The following CTNNA2 variants were observed in gnomAD, a reference collection of about 807,000 sequenced individuals.
CTNNA2 encodes catenin alpha-2.
A neutral mutation model predicts 101.0 loss-of-function variants in CTNNA2; 42 were observed. The ratio of observed to expected loss-of-function variants is 0.42; its 90% CI spans 0.32 to 0.54. CTNNA2 has a LOEUF of 0.54. Ranked by LOEUF, CTNNA2 falls within the 20% of genes least tolerant of loss-of-function variation. The pLI is 0.14. For synonymous variants in CTNNA2, 450 were observed against 456.4 expected, an observed-to-expected ratio of 0.99 and a Z score of 0.18; for missense variants, 871 against 1,223.1, an observed-to-expected ratio of 0.71 and a Z score of 4.29.
chr2:79,681,501 A>G (rs572944682), intron 2 of CTNNA2, among the ~76,000 whole-genome samples: 4 of 152,278 alleles, frequency 2.6e-5, no homozygotes, highest in African/African-American at 9.6e-5. Flanking sequence ...AATAGTATAC[A>G]CACTATTGGG....
chr2:79,489,917 G>A (rs1030052315), intron 4 of CTNNA2, among the ~76,000 whole-genome samples: 4 of 152,112 alleles, frequency 2.6e-5, no homozygotes, highest in Non-Finnish European at 4.4e-5. Flanking sequence ...ACTTCTCTTG[G>A]CAGGGAATAC....
At chr2:80,554,511 G>C (rs1692853040) in intron 11 of CTNNA2, among the ~76,000 whole-genome samples, 1 of 152,120 alleles carries the variant, frequency 6.6e-6, no homozygotes, top group East Asian at 1.9e-4. Context: ...GGAAGTCCAA[G>C]ACAAAGGACT....
chr2:79,756,950 T>A (rs1005240098), intron 3 of CTNNA2, among the ~76,000 whole-genome samples: 8 of 152,190 alleles, frequency 5.3e-5, no homozygotes, highest in Admixed American at 5.2e-4. Context: ...CAACAGGAGA[T>A]CTCATTCATT....
chr2:80,073,849 A>G (rs1419935170), intron 7 of CTNNA2, among the ~76,000 whole-genome samples: 2 of 152,084 alleles, frequency 1.3e-5, no homozygotes, highest in African/African-American at 4.8e-5. Flanking sequence ...CAATGTCATT[A>G]CAGATTCTTC....
intron 9 of CTNNA2, among the ~76,000 whole-genome samples, chr2:80,422,367 T>C (rs945186640): frequency 5.9e-5 from 9 of 151,962 alleles, no homozygotes; most frequent in African/African-American, 2.2e-4. Flanking sequence ...TTATTACGAC[T>C]CAAGGTGAGA....
intron 15 of CTNNA2, among the ~76,000 whole-genome samples, chr2:80,591,457 G>GTTTTTTT (rs567131551): frequency 0.011 from 752 of 70,270 alleles, 96 homozygotes; most frequent in African/African-American, 0.032. Context: ...TGCACAGCCT[G>GTTTTTTT]TTTTTTTTTT....
chr2:79,530,085 T>C (rs1672648205), intron 1 of CTNNA2, among the ~76,000 whole-genome samples: 1 of 152,114 alleles, frequency 6.6e-6, no homozygotes, highest in Non-Finnish European at 1.5e-5. Context: ...GAAGGCTTTC[T>C]GTGGTGGGAG....
At chr2:80,578,707 A>G (rs1396980372) in intron 13 of CTNNA2, among the ~76,000 whole-genome samples, 2 of 152,160 alleles carry the variant, frequency 1.3e-5, no homozygotes, top group Non-Finnish European at 2.9e-5. Context: ...GAAACCGTCA[A>G]CTTGTTGCCC....
At chr2:80,420,112 G>A (rs1375474241) in intron 9 of CTNNA2, among the ~76,000 whole-genome samples, 1 of 151,250 alleles carries the variant, frequency 6.6e-6, no homozygotes, top group African/African-American at 2.4e-5. Context: ...AGATCTTGGG[G>A]CAGTACTAGG....
intron 7 of CTNNA2, among the ~76,000 whole-genome samples, chr2:80,243,341 G>A (rs1288541422): frequency 1.3e-5 from 2 of 151,900 alleles, no homozygotes; most frequent in East Asian, 3.9e-4. Flanking sequence ...TTATTTGATG[G>A]TTTCCACGAG....
At chr2:80,599,551 A>AT (rs547578990) in intron 15 of CTNNA2, among the ~76,000 whole-genome samples, 34 of 151,870 alleles carry the variant, frequency 2.2e-4, no homozygotes, top group African/African-American at 8.0e-4. Flanking sequence ...TGGCACAACT[A>AT]TTTTTTTTCT....
At position 79,529,123 on chromosome 2, in the gene CTNNA2, G is replaced by A. The variant is rs536589637; in HGVS notation, c.-6+15916G>A. On this transcript the variant is annotated intron_variant, in intron 1 of 18. Coordinates refer to ENST00000402739, the MANE Select transcript of CTNNA2 (RefSeq NM_001282597.3). ...AATAGCATTCCAGGTTGAGGGGAAA[G>A]CATGAAGGTAGGAATGTCAGTGTAA... is the stretch of plus-strand genomic sequence containing the variant. Among the ~76,000 whole-genome samples the A allele has an allele frequency of 5.3e-5, 8 of 152,268 alleles. No individual in the cohort carries two copies. In the East Asian group the frequency reaches 1.5e-3, roughly 29 times the overall value.
intron 3 of CTNNA2, among the ~76,000 whole-genome samples, chr2:79,856,256 T>C (rs1379113170): frequency 6.6e-6 from 1 of 152,216 alleles, no homozygotes; most frequent in African/African-American, 2.4e-5. Context: ...CATTCCCGAG[T>C]ATAAAAAGTA....
intron 7 of CTNNA2, among the ~76,000 whole-genome samples, chr2:80,088,785 T>G (rs1268345385): frequency 6.6e-6 from 1 of 152,028 alleles, no homozygotes; most frequent in East Asian, 1.9e-4. Context: ...TTGGGACACT[T>G]TATCTTTAGA....
chr2:79,409,165 A>G (rs1032785244), intron 4 of CTNNA2, among the ~76,000 whole-genome samples: 1 of 152,002 alleles, frequency 6.6e-6, no homozygotes, highest in African/African-American at 2.4e-5. Context: ...TTTCTTGTAA[A>G]TTTGTTTGAG....
At chr2:79,962,043 G>A (rs1056889503) in intron 7 of CTNNA2, among the ~76,000 whole-genome samples, 27 of 152,284 alleles carry the variant, frequency 1.8e-4, no homozygotes, top group African/African-American at 5.3e-4. Flanking sequence ...CTAGCTCTTC[G>A]TCTGTTACTG....
intron 7 of CTNNA2, among the ~76,000 whole-genome samples, chr2:80,167,549 GA>G (rs1394706962): frequency 6.6e-6 from 1 of 152,146 alleles, no homozygotes; most frequent in Non-Finnish European, 1.5e-5. Flanking sequence ...TAAATACAGT[GA>G]AAATATGGAA....
intron 2 of CTNNA2, among the ~76,000 whole-genome samples, chr2:79,712,080 A>G (rs779247187): frequency 5.9e-5 from 9 of 152,212 alleles, no homozygotes; most frequent in Non-Finnish European, 1.3e-4. Flanking sequence ...AACTGCATTT[A>G]TTGAGCACTT....
chr2:80,038,413 C>T (rs766768980), intron 7 of CTNNA2, among the ~76,000 whole-genome samples: 7 of 152,070 alleles, frequency 4.6e-5, no homozygotes, highest in Non-Finnish European at 1.0e-4. Flanking sequence ...TTCTCTCTAG[C>T]TGATCAAAAG....
Sources: allele counts gnomAD v4.1 joint callset (sites outside exome capture counted in the v4.1 genomes callset), GRCh38; gene constraint gnomAD v4.1.1; transcripts MANE v1.5; gene names NCBI Gene and HGNC (gene_info 2026-07-23, HGNC 2026-07-21).